The following UGT3A2 variants were observed in gnomAD, a reference collection of about 807,000 sequenced individuals.
UGT3A2 encodes UDP-glycosyltransferase 3A2.
Under a neutral mutation model 39.8 loss-of-function variants are expected in UGT3A2, and 32 were observed. That is an observed-to-expected ratio of 0.80 (90% confidence interval 0.61 to 1.08). The LOEUF is 1.08. UGT3A2 is among the 50% of genes least tolerant of loss of function. The pLI, the probability that UGT3A2 is intolerant of heterozygous loss-of-function variation, is 0.00. For missense variants in UGT3A2, 611 were observed against 637.1 expected, an observed-to-expected ratio of 0.96 and a Z score of 0.44; for synonymous variants, 241 against 230.7, an observed-to-expected ratio of 1.04 and a Z score of -0.40.
chr5:36,066,791 C>T lies in UGT3A2; in HGVS notation c.-2G>A. On this transcript the variant is annotated 5_prime_UTR_variant, in exon 1 of 7. Transcript: ENST00000282507. ...AAGAAGCACTCGCTGCCCAGCCATG[C>T]TCACTTCTACGGAAGCCGCGGATCT... is the stretch of plus-strand genomic sequence containing the variant. 6.2e-7 allele frequency: 1 copy of T among 1,614,204 alleles called. No individual in the cohort carries two copies. The highest frequency in any genetic ancestry group is 8.5e-7 in the Non-Finnish European group (1 of 1,180,024).
intron 2 of UGT3A2, among the ~76,000 whole-genome samples, chr5:36,061,046 C>G (rs915599763): frequency 6.6e-6 from 1 of 152,094 alleles, no homozygotes; most frequent in African/African-American, 2.4e-5. Context: ...ATAGCACGCA[C>G]CTGTAGTCCC....
At chr5:36,053,403 A>G (rs746039953) in intron 2 of UGT3A2, among the ~76,000 whole-genome samples, 1 of 152,142 alleles carries the variant, frequency 6.6e-6, no homozygotes, top group Non-Finnish European at 1.5e-5. Flanking sequence ...TAAAGACAAC[A>G]TATTCCTTAT....
chr5:36,049,488 G>A, intron 3 of UGT3A2, 68 bp from the exon 4 acceptor site: 2 of 1,231,116 alleles, frequency 1.6e-6, no homozygotes, highest in Non-Finnish European at 2.2e-6. Context: ...AAAGTATCTT[G>A]AGATACAAAG....
At position 36,037,977 on chromosome 5, in the gene UGT3A2, TG is replaced by T; in HGVS notation, c.1114del (p.Gln372ArgfsTer4). ...SIRLFVTHGG[Q>X]NSIMEAIQHG... is the part of the protein sequence containing the mutation. Reference sequence around the variant, plus strand: ...CTGGATGGCCTCCATTATGCTATTCTGCCCGCCGTGGGTGACAAACAGACGG... The same window carrying T: ...CTGGATGGCCTCCATTATGCTATTCTCCCGCCGTGGGTGACAAACAGACGG... On this transcript the variant is annotated frameshift_variant, in exon 6 of 7. Coordinates refer to ENST00000282507, the MANE Select transcript of UGT3A2 (RefSeq NM_174914.4). LOFTEE classifies it high-confidence loss of function. 3 of 1,612,064 alleles carry T rather than the reference TG, an allele frequency of 1.9e-6. No homozygotes were observed. Among genetic ancestry groups the T allele is most frequent in the Non-Finnish European group, 2.5e-6 (3 of 1,179,348 alleles).
intron 1 of UGT3A2, 79 bp downstream of exon 1, chr5:36,066,617 C>T: frequency 1.2e-6 from 2 of 1,603,648 alleles, no homozygotes; most frequent in Non-Finnish European, 8.5e-7. Context: ...TGACTCTGAT[C>T]AAGCGCTGTT....
In UGT3A2 at chr5:36,039,622, C is replaced by T. The variant is rs759802122; in HGVS notation, c.930G>A (p.Pro310=). The T allele has an allele frequency of 2.9e-5, 46 of 1,614,010 alleles. No homozygotes were observed. Among genetic ancestry groups the T allele is most frequent in the African/African-American group, 4.0e-5 (3 of 74,894 alleles). Residue 310 remains proline (P), a synonymous_variant, in exon 5 of 7, where the codon CCG becomes CCA. Transcript: ENST00000282507. ...CATTGTTCATCTCCTTGAAGATTTC[C>T]GGATTCTGACAGGTGTTCACCATGG... ...LGSMVNTCQN[P]EIFKEMNNAF...
At chr5:36,064,571 A>T (rs267770) in intron 1 of UGT3A2, among the ~76,000 whole-genome samples, 1 of 152,024 alleles carries the variant, frequency 6.6e-6, no homozygotes, top group Non-Finnish European at 1.5e-5. Context: ...TCCGTGAGAG[A>T]TTGCCTCTTG....
chr5:36,049,608 T>C (rs1023125111), intron 3 of UGT3A2, among the ~76,000 whole-genome samples, 188 bp from the exon 4 acceptor site: 4 of 152,148 alleles, frequency 2.6e-5, no homozygotes, highest in African/African-American at 9.7e-5. Flanking sequence ...TTCTACTCCC[T>C]AGAGTGTACC....
intron 4 of UGT3A2, among the ~76,000 whole-genome samples, chr5:36,040,598 AG>A (rs1353763560): frequency 2.0e-5 from 3 of 152,060 alleles, no homozygotes; most frequent in African/African-American, 7.3e-5. Flanking sequence ...CACAGAGCAA[AG>A]CAACACAGGG....
In UGT3A2 at chr5:36,044,229, G is replaced by GA. The variant is rs1284455858; in HGVS notation, c.844-4522dup. Reference sequence around the variant, plus strand: ...GATTCATCATATCAACAGAATGAATGAAAAAAACCATATGATCATGTCAAT... The same window carrying GA: ...GATTCATCATATCAACAGAATGAATGAAAAAAAACCATATGATCATGTCAAT... On this transcript the variant is annotated intron_variant, in intron 4 of 6. Coordinates refer to ENST00000282507, the MANE Select transcript of UGT3A2 (RefSeq NM_174914.4). Among the ~76,000 whole-genome samples the GA allele has an allele frequency of 6.6e-5, 10 of 151,906 alleles. No individual in the cohort carries two copies. In the East Asian group the frequency reaches 1.4e-3, roughly 21 times the overall value.
At chr5:36,036,587 A>G (rs1022677705) in intron 6 of UGT3A2, among the ~76,000 whole-genome samples, 1 of 152,234 alleles carries the variant, frequency 6.6e-6, no homozygotes. Context: ...CAGAATGGTC[A>G]TTTTGGGTCT....
chr5:36,056,729 C>T (rs1375569960), intron 2 of UGT3A2, among the ~76,000 whole-genome samples: 3 of 152,206 alleles, frequency 2.0e-5, no homozygotes, highest in African/African-American at 7.2e-5. Context: ...CATTGAATTC[C>T]CCAATTTTAA....
chr5:36,041,700 C>T (rs777063566), intron 4 of UGT3A2, among the ~76,000 whole-genome samples: 3 of 152,194 alleles, frequency 2.0e-5, no homozygotes, highest in Non-Finnish European at 2.9e-5. Context: ...CCCCCTAATG[C>T]AGACACAGGT....
chr5:36,050,733 A>C (rs980884670), intron 3 of UGT3A2, among the ~76,000 whole-genome samples: 1 of 151,696 alleles, frequency 6.6e-6, no homozygotes, highest in South Asian at 2.1e-4. Flanking sequence ...ATGGTGGCAC[A>C]CTCCTGTAAT....
chr5:36,043,365 T>C (rs1742071359), intron 4 of UGT3A2, among the ~76,000 whole-genome samples: 1 of 151,804 alleles, frequency 6.6e-6, no homozygotes, highest in South Asian at 2.1e-4. Flanking sequence ...CCAAAACCTA[T>C]GAAATACAGT....
At chr5:36,038,229 G>A (rs1162988640) in intron 5 of UGT3A2, among the ~76,000 whole-genome samples, 1 of 152,198 alleles carries the variant, frequency 6.6e-6, no homozygotes, top group Non-Finnish European at 1.5e-5. Context: ...CCCTCAGCCA[G>A]AAATTCAGCT....
chr5:36,051,870 C>G lies in UGT3A2; in HGVS notation c.311G>C (p.Arg104Thr). ...DFFLEETLGG[R>T]GKFENLLNVL... ...GTTCAAAGAATAAAAAAACAATTACCTGCCACCTAAAGTTTCTTCCAGAAA... is the reference window on the plus strand; with the variant it reads ...GTTCAAAGAATAAAAAAACAATTACGTGCCACCTAAAGTTTCTTCCAGAAA... Residue 104 changes from arginine (R) to threonine (T), a missense_variant and splice_region_variant, in exon 3 of 7, where the codon AGA becomes ACA. By Grantham distance (71) the Arg-to-Thr change is moderately conservative. Transcript: ENST00000282507. The G allele has an allele frequency of 6.3e-7, 1 of 1,578,968 alleles. No individual in the cohort carries two copies. Among genetic ancestry groups the G allele is most frequent in the Non-Finnish European group, 8.6e-7 (1 of 1,169,108 alleles).
intron 3 of UGT3A2, among the ~76,000 whole-genome samples, chr5:36,051,199 G>T (rs879616331): frequency 7.9e-5 from 12 of 152,162 alleles, no homozygotes; most frequent in Non-Finnish European, 1.6e-4. Context: ...CAGGAAAGAA[G>T]AGTAGGTAAG....
Position 36,037,884 on chromosome 5 carries a change from G to T in UGT3A2, c.1208C>A (p.Ala403Asp), listed in dbSNP as rs1561488339. ...CTGAATAGAAACACCAAACTTTTTGGCTTCTACTCGGACCATGTTTTCAGG... is the reference window on the plus strand; with the variant it reads ...CTGAATAGAAACACCAAACTTTTTGTCTTCTACTCGGACCATGTTTTCAGG... The part of the protein sequence containing the change: ...DQPENMVRVE[A>D]KKFGVSIQLK... Residue 403 changes from alanine (A) to aspartate (D), a missense_variant, in exon 6 of 7, where the codon GCC (alanine) becomes GAC (aspartate). By Grantham distance (126) the Ala-to-Asp change is moderately radical (BLOSUM62 -2). Transcript: ENST00000282507. 6.2e-7 allele frequency: 1 copy of T among 1,613,682 alleles called. No individual in the cohort carries two copies. The highest frequency in any genetic ancestry group is 8.5e-7 in the Non-Finnish European group (1 of 1,179,948).
Sources: allele counts gnomAD v4.1 joint callset (sites outside exome capture counted in the v4.1 genomes callset), GRCh38; gene constraint gnomAD v4.1.1; transcripts MANE v1.5; gene names NCBI Gene and HGNC (gene_info 2026-07-23, HGNC 2026-07-21).